Variants in AGMO observed in about 807,000 individuals in gnomAD.
AGMO encodes alkylglycerol monooxygenase.
In AGMO, 75 loss-of-function variants were observed where a neutral mutation model predicts 60.2. That is an observed-to-expected ratio of 1.25 (90% CI 1.03 to 1.51). The LOEUF is 1.51. Ranked by LOEUF, AGMO falls within the 40% of genes most tolerant of loss-of-function variation. The pLI, the probability that AGMO is intolerant of heterozygous loss-of-function variation, is 0.00. For synonymous variants in AGMO, 261 were observed against 177.1 expected (o/e 1.47, Z -3.76); for missense variants, 763 against 525.5 (o/e 1.45, Z -4.42).
At chr7:15,393,896 G>A (rs1171078075) in intron 6 of AGMO, among the ~76,000 whole-genome samples, 3 of 151,962 alleles carry the variant, frequency 2.0e-5, no homozygotes, top group African/African-American at 7.3e-5. Flanking sequence ...CCAAAAGTCA[G>A]ATAGATAAAT....
the AGMO span, among the ~76,000 whole-genome samples, chr7:15,120,613 G>C: frequency 6.6e-6 from 1 of 152,016 alleles, no homozygotes; most frequent in African/African-American, 2.4e-5. Flanking sequence ...CCAGGATGTG[G>C]TACCTCACCT....
At chr7:15,135,162 T>G in the AGMO span, among the ~76,000 whole-genome samples, 40,559 of 102,404 alleles carry the variant, frequency 0.4, 6,570 homozygotes, top group East Asian at 0.7. Context: ...TTATATGAGT[T>G]TGTGTGTGTG....
intron 3 of AGMO, among the ~76,000 whole-genome samples, chr7:15,491,139 C>T (rs1006583224): frequency 6.6e-6 from 1 of 152,132 alleles, no homozygotes; most frequent in Non-Finnish European, 1.5e-5. Context: ...AACAAAGATG[C>T]ATCAAATACT....
chr7:15,428,409 A>G (rs758288626), intron 4 of AGMO, among the ~76,000 whole-genome samples: 4 of 152,172 alleles, frequency 2.6e-5, no homozygotes, highest in Non-Finnish European at 5.9e-5. Context: ...TCGTTGCCTT[A>G]TTCAGCACAT....
At chr7:15,381,959 G>T (rs1223991582) in intron 10 of AGMO, among the ~76,000 whole-genome samples, 3 of 152,064 alleles carry the variant, frequency 2.0e-5, no homozygotes, top group African/African-American at 7.2e-5. Flanking sequence ...CTTGTAAGTG[G>T]GAGCGCTAAA....
In AGMO at chr7:15,561,786, A is replaced by G. The variant is rs1432880328; in HGVS notation, c.60T>C (p.Phe20=). 1 of 1,611,712 alleles carries G rather than the reference A, an allele frequency of 6.2e-7. No individual in the cohort carries two copies. The highest frequency in any genetic ancestry group is 2.2e-5 in the East Asian group (1 of 44,798). ...VSVSQGFRML[F]YTMKPSETSF... ...AAGTTTCACTGGGTTTCATCGTGTA[A>G]AACAACATGCGAAATCCCTGGGAAA... Residue 20 remains phenylalanine, a synonymous_variant, in exon 1 of 13, where the codon TTT becomes TTC. Transcript: ENST00000342526.
intron 3 of AGMO, among the ~76,000 whole-genome samples, chr7:15,522,277 A>G (rs935322157): frequency 6.6e-6 from 1 of 152,206 alleles, no homozygotes; most frequent in African/African-American, 2.4e-5. Flanking sequence ...ATACTGCCCA[A>G]AGTAATTTAT....
At chr7:15,476,597 T>C (rs916355683) in intron 3 of AGMO, among the ~76,000 whole-genome samples, 1 of 152,132 alleles carries the variant, frequency 6.6e-6, no homozygotes, top group Non-Finnish European at 1.5e-5. Context: ...TTTTTTTCTT[T>C]TTCTTTAGTG....
chr7:15,352,577 C>T (rs1782287282), intron 12 of AGMO, among the ~76,000 whole-genome samples: 1 of 151,346 alleles, frequency 6.6e-6, no homozygotes, highest in Non-Finnish European at 1.5e-5. Flanking sequence ...GCCAGAAATG[C>T]GTGGCAATTT....
At chr7:15,299,111 C>T (rs928010789) in intron 12 of AGMO, among the ~76,000 whole-genome samples, 9 of 152,140 alleles carry the variant, frequency 5.9e-5, no homozygotes, top group Non-Finnish European at 1.3e-4. Flanking sequence ...TCTTCTCATG[C>T]ATCTTTTAAG....
chr7:15,502,985 T>C (rs999782891), intron 3 of AGMO, among the ~76,000 whole-genome samples: 2 of 152,030 alleles, frequency 1.3e-5, no homozygotes, highest in Non-Finnish European at 2.9e-5. Context: ...TGCCTTTACC[T>C]GTCTACACCA....
chr7:15,368,280 C>CAA (rs34220868), intron 10 of AGMO, among the ~76,000 whole-genome samples: 3,811 of 123,374 alleles, frequency 0.031, 141 homozygotes, highest in African/African-American at 0.094. Flanking sequence ...AGAATGAGAC[C>CAA]AAAAAAAAAA....
chr7:15,262,315 T>C (rs1783296648), intron 12 of AGMO, among the ~76,000 whole-genome samples: 1 of 152,070 alleles, frequency 6.6e-6, no homozygotes, highest in Non-Finnish European at 1.5e-5. Flanking sequence ...CACAAATCAG[T>C]AGCTCTGCTA....
At chr7:15,378,281 A>G (rs1783533411) in intron 10 of AGMO, among the ~76,000 whole-genome samples, 1 of 152,036 alleles carries the variant, frequency 6.6e-6, no homozygotes, top group African/African-American at 2.4e-5. Flanking sequence ...ATGAAGAATA[A>G]TTTGGTTACT....
At chr7:15,133,412 G>T in the AGMO span, among the ~76,000 whole-genome samples, 1 of 152,102 alleles carries the variant, frequency 6.6e-6, no homozygotes, top group African/African-American at 2.4e-5. Flanking sequence ...GGTTTCAGTT[G>T]AGTAGTTATT....
chr7:15,316,502 G>C lies in AGMO; in HGVS notation c.1263+49012C>G, dbSNP rs10250617. Among the ~76,000 whole-genome samples, 1,338 of 152,194 alleles carry C rather than the reference G, an allele frequency of 8.8e-3. 16 individuals are homozygous for C. The highest frequency in any genetic ancestry group is 0.03 in the African/African-American group (1,261 of 41,538). On this transcript the variant is annotated intron_variant, in intron 12 of 12. Transcript: ENST00000342526. The stretch of plus-strand genomic sequence containing the variant: ...GATAAACCTGGCACAGGCTGTGTGG[G>C]CTCTTTATCTTTTGATAAGGAAGTG...
At chr7:15,202,793 T>C (rs1010246227) in intron 12 of AGMO, among the ~76,000 whole-genome samples, 1 of 152,146 alleles carries the variant, frequency 6.6e-6, no homozygotes, top group African/African-American at 2.4e-5. Flanking sequence ...TCAAGAGAAA[T>C]GACCTCATGG....
At chr7:15,387,672 A>G in intron 8 of AGMO, 132 bp from the exon 9 acceptor site, 5 of 742,928 alleles carry the variant, frequency 6.7e-6, no homozygotes, top group South Asian at 6.1e-5. Flanking sequence ...TTAGAGCAAC[A>G]GAAATGTGTA....
chr7:15,161,326 GC>G, the AGMO span, among the ~76,000 whole-genome samples: 1 of 152,022 alleles, frequency 6.6e-6, no homozygotes, highest in Non-Finnish European at 1.5e-5. Context: ...CCAAGAAAGA[GC>G]AAATTCTGCC....
Sources: allele counts gnomAD v4.1 joint callset (sites outside exome capture counted in the v4.1 genomes callset), GRCh38; gene constraint gnomAD v4.1.1; transcripts MANE v1.5; gene names NCBI Gene and HGNC (gene_info 2026-07-23, HGNC 2026-07-21).